CERS6: variants seen among roughly 807,000 people sequenced by gnomAD.
CERS6 encodes the protein LAG1 homolog, ceramide synthase 6.
A neutral mutation model predicts 56.8 loss-of-function variants in CERS6; 26 were observed. The ratio of observed to expected loss-of-function variants is 0.46; its 90% CI spans 0.34 to 0.63. The LOEUF (loss-of-function observed/expected upper bound fraction) is 0.63, where lower values mean the gene tolerates loss of function less well. Among genes scored for constraint, CERS6 ranks in the 30% least tolerant of loss-of-function variants. The pLI, the probability that CERS6 is intolerant of heterozygous loss-of-function variation, is 0.01. For synonymous variants in CERS6, 164 were observed against 173.3 expected, an observed-to-expected ratio of 0.95 and a Z score of 0.42; for missense variants, 415 against 467.5, an observed-to-expected ratio of 0.89 and a Z score of 1.04.
chr2:168,540,168 C>T (rs75366569), intron 1 of CERS6, among the ~76,000 whole-genome samples: 1,655 of 150,260 alleles, frequency 0.011, 15 homozygotes, highest in African/African-American at 0.024. Context: ...TTTTTTTTTC[C>T]GCTTCCAGTA....
chr2:168,708,621 T>G (rs1213991484), intron 6 of CERS6, among the ~76,000 whole-genome samples: 1 of 152,130 alleles, frequency 6.6e-6, no homozygotes, highest in Non-Finnish European at 1.5e-5. Flanking sequence ...TCATATTAGT[T>G]AGATTACAGA....
At chr2:168,476,388 C>A (rs1355354874) in intron 1 of CERS6, among the ~76,000 whole-genome samples, 1 of 152,112 alleles carries the variant, frequency 6.6e-6, no homozygotes, top group Non-Finnish European at 1.5e-5. Context: ...CAACTGCCTT[C>A]TGGAATATTT....
rs1362514914 is a variant in CERS6 at position 168,509,328 on chromosome 2, T to TA, written c.171-38263dup. ...CTTTTTATTGTAAAATTACCTAAGCTAAAAATCACCTTTAAGTTAATGCCA... is the reference window on the plus strand; with the variant it reads ...CTTTTTATTGTAAAATTACCTAAGCTAAAAAATCACCTTTAAGTTAATGCCA... On this transcript the variant is annotated intron_variant, in intron 1 of 9. Transcript: ENST00000305747. Among the ~76,000 whole-genome samples, 6 of 152,330 alleles carry TA rather than the reference T, an allele frequency of 3.9e-5. No individual in the cohort carries two copies. The South Asian group carries it at 6.2e-4, about 16-fold the overall frequency.
chr2:168,661,051 C>T lies in CERS6; in HGVS notation c.466-29983C>T, dbSNP rs547848712. 4.5e-5 allele frequency among the ~76,000 whole-genome samples: 6 copies of T among 134,154 alleles called. No individual in the cohort carries two copies. The East Asian group carries it at 6.6e-4, about 15-fold the overall frequency. 88.0% of individuals were successfully genotyped at this position (134,154 alleles called of 152,430 possible). A position where few individuals can be genotyped will look rare whatever the true frequency, so the allele number is the denominator to read the frequency against. On this transcript the variant is annotated intron_variant, in intron 4 of 9. Transcript: ENST00000305747. ...GGAGTGGCAGCGGGGAGCAGAGAGG[C>T]GGGAGGGGGTGGGGCAGTTCATACA...
At chr2:168,510,349 C>T (rs1296195497) in intron 1 of CERS6, among the ~76,000 whole-genome samples, 1 of 152,144 alleles carries the variant, frequency 6.6e-6, no homozygotes, top group East Asian at 1.9e-4. Context: ...ACAGATGTAC[C>T]ATCTTTTATG....
In CERS6 at chr2:168,548,490, T is replaced by A. The variant is rs181514293; in HGVS notation, c.276+789T>A. On this transcript the variant is annotated intron_variant, in intron 2 of 9. Transcript: ENST00000305747. ...AGTTTTTATATATCTTACCTTATTC[T>A]TGTTTGGACAAGAAAGAAGAAAAGA... 1.3e-4 allele frequency among the ~76,000 whole-genome samples: 20 copies of A among 152,358 alleles called. No homozygotes were observed. The East Asian group carries it at 2.9e-3, about 22-fold the overall frequency.
At chr2:168,703,146 A>G (rs1471743799) in intron 6 of CERS6, among the ~76,000 whole-genome samples, 1 of 152,216 alleles carries the variant, frequency 6.6e-6, no homozygotes, top group Non-Finnish European at 1.5e-5. Context: ...GTATGTTAAT[A>G]CTGATAGATA....
At chr2:168,522,717 T>C (rs770744647) in intron 1 of CERS6, among the ~76,000 whole-genome samples, 3 of 152,112 alleles carry the variant, frequency 2.0e-5, no homozygotes, top group African/African-American at 4.8e-5. Flanking sequence ...TTTTAAATAA[T>C]TTTTACTTTT....
intron 4 of CERS6, among the ~76,000 whole-genome samples, chr2:168,641,087 G>A (rs149319947): frequency 2.0e-5 from 3 of 152,220 alleles, no homozygotes; most frequent in East Asian, 3.9e-4. Context: ...CTGGCCAGCA[G>A]AACTTAACCA....
At position 168,643,067 on chromosome 2, in the gene CERS6, A is replaced by G. The variant is rs944936794; in HGVS notation, c.465+12025A>G. On this transcript the variant is annotated intron_variant, in intron 4 of 9. Transcript: ENST00000305747. ...TGGGCGGAGGTAATAACTATACCGC[A>G]GTGTTCTGCCCACGTGTGTGTATGT... Among the ~76,000 whole-genome samples the G allele has an allele frequency of 1.1e-4, 16 of 152,374 alleles. No homozygotes were observed. The East Asian group carries it at 1.7e-3, about 17-fold the overall frequency.
rs866052388 is a variant in CERS6 at position 168,477,202 on chromosome 2, A to C, written c.170+20584A>C. 1.8e-3 allele frequency among the ~76,000 whole-genome samples: 263 copies of C among 143,990 alleles called. 1 individual carries two copies. Among genetic ancestry groups the C allele is most frequent in the African/African-American group, 6.2e-3 (253 of 40,614 alleles). The allele number at this position is 143,990 out of a possible 152,430, so 94.5% of individuals were successfully genotyped here. A position where few individuals can be genotyped will look rare whatever the true frequency, so the allele number is the denominator to read the frequency against. ...GAGAGAGAGAGAGAGAGAGAGAGAG[A>C]GAGAGAGAGAGAGAGAGTCTCATAG... is the stretch of plus-strand genomic sequence containing the variant. On this transcript the variant is annotated intron_variant, in intron 1 of 9. Coordinates refer to ENST00000305747, the MANE Select transcript of CERS6 (RefSeq NM_203463.3).
chr2:168,542,324 A>G (rs1027758517), intron 1 of CERS6, among the ~76,000 whole-genome samples: 1 of 152,258 alleles, frequency 6.6e-6, no homozygotes, highest in African/African-American at 2.4e-5. Context: ...TAATGGTAAC[A>G]TTTTATAAAT....
intron 1 of CERS6, among the ~76,000 whole-genome samples, chr2:168,464,707 A>T (rs1231574721): frequency 1.3e-5 from 2 of 152,008 alleles, no homozygotes; most frequent in African/African-American, 4.8e-5. Flanking sequence ...TTAAAAAAAA[A>T]AAAAACTACT....
chr2:168,729,454 C>T (rs1473662712), intron 8 of CERS6, among the ~76,000 whole-genome samples: 1 of 152,258 alleles, frequency 6.6e-6, no homozygotes, highest in Non-Finnish European at 1.5e-5. Context: ...TTGGGTCTCT[C>T]CTGCCAACTT....
intron 6 of CERS6, among the ~76,000 whole-genome samples, chr2:168,707,088 A>T (rs745385575): frequency 2.0e-5 from 3 of 152,242 alleles, no homozygotes; most frequent in Non-Finnish European, 4.4e-5. Context: ...GGGATGTCAG[A>T]TTTGAGAATG....
intron 4 of CERS6, among the ~76,000 whole-genome samples, chr2:168,632,847 G>T (rs138195881): frequency 3.4e-4 from 52 of 152,208 alleles, no homozygotes; most frequent in African/African-American, 8.9e-4. Context: ...CTTTGTTGGT[G>T]AGAAAGGAAA....
At chr2:168,570,948 TTGATTCTGCGCA>T (rs1647516620) in intron 3 of CERS6, among the ~76,000 whole-genome samples, 1 of 152,176 alleles carries the variant, frequency 6.6e-6, no homozygotes. Context: ...ACAGGGACAA[TTGATTCTGCGCA>T]TTGGTAAAGT....
At chr2:168,659,314 A>T (rs1364162717) in intron 4 of CERS6, among the ~76,000 whole-genome samples, 1 of 152,274 alleles carries the variant, frequency 6.6e-6, no homozygotes, top group African/African-American at 2.4e-5. Flanking sequence ...TCAAAAGAAC[A>T]TGAAAATAAC....
At chr2:168,631,816 T>TTATATATTATATAA (rs1160754760) in intron 4 of CERS6, among the ~76,000 whole-genome samples, 6 of 125,506 alleles carry the variant, frequency 4.8e-5, no homozygotes, top group East Asian at 2.8e-4. Context: ...ATATAATTTA[T>TTATATATTATATAA]TATATATTAT....
Sources: allele counts gnomAD v4.1 joint callset (sites outside exome capture counted in the v4.1 genomes callset), GRCh38; gene constraint gnomAD v4.1.1; transcripts MANE v1.5; gene names NCBI Gene and HGNC (gene_info 2026-07-23, HGNC 2026-07-21).